CYP2C18: variants seen among roughly 807,000 people sequenced by gnomAD.
CYP2C18 encodes cytochrome P450 2C18.
In CYP2C18, 38 loss-of-function variants were observed where a neutral mutation model predicts 41.3. The observed-to-expected ratio is 0.92, with a 90% confidence interval of 0.71 to 1.21. The LOEUF is 1.21. Ranked by LOEUF, CYP2C18 falls within the 50% of genes most tolerant of loss-of-function variation. The pLI is 0.00. For missense variants in CYP2C18, 635 were observed against 591.4 expected, an observed-to-expected ratio of 1.07 and a Z score of -0.77; for synonymous variants, 236 against 210.0, an observed-to-expected ratio of 1.12 and a Z score of -1.07.
intron 7 of CYP2C18, among the ~76,000 whole-genome samples, chr10:94,727,016 G>C (rs774663623): frequency 4.6e-5 from 7 of 152,206 alleles, no homozygotes; most frequent in East Asian, 1.9e-4. Context: ...TTGAGCACCG[G>C]AAGTGTAATG....
intron 5 of CYP2C18, among the ~76,000 whole-genome samples, chr10:94,714,597 G>C (rs1453565961): frequency 1.3e-5 from 2 of 152,164 alleles, no homozygotes; most frequent in Non-Finnish European, 1.5e-5. Context: ...AGTATAGTTT[G>C]AAGTCAGGTA....
chr10:94,685,979 G>T (rs893265443), intron 1 of CYP2C18, among the ~76,000 whole-genome samples: 1 of 151,882 alleles, frequency 6.6e-6, no homozygotes, highest in African/African-American at 2.4e-5. Flanking sequence ...TATTGCTTTG[G>T]GTAATATGGA....
At chr10:94,728,315 C>T (rs1202141608) in intron 7 of CYP2C18, among the ~76,000 whole-genome samples, 2 of 152,010 alleles carry the variant, frequency 1.3e-5, no homozygotes, top group Non-Finnish European at 2.9e-5. Flanking sequence ...ATCATATGTG[C>T]GGTCCACATT....
intron 3 of CYP2C18, among the ~76,000 whole-genome samples, chr10:94,691,063 A>G (rs1294756263): frequency 6.6e-6 from 1 of 152,194 alleles, no homozygotes; most frequent in Admixed American, 6.6e-5. Context: ...CACAGCCAAT[A>G]TCATACTGAA....
intron 1 of CYP2C18, among the ~76,000 whole-genome samples, chr10:94,684,648 C>G (rs1846850941): frequency 6.6e-6 from 1 of 152,120 alleles, no homozygotes; most frequent in Non-Finnish European, 1.5e-5. Flanking sequence ...GTCAATAGCA[C>G]TGCAATAAAC....
chr10:94,695,799 C>G (rs1847106078), intron 4 of CYP2C18, among the ~76,000 whole-genome samples: 1 of 152,096 alleles, frequency 6.6e-6, no homozygotes, highest in Non-Finnish European at 1.5e-5. Context: ...TGGTGCTTTT[C>G]CAATGATCTT....
intron 5 of CYP2C18, among the ~76,000 whole-genome samples, chr10:94,719,759 G>C (rs1019437228): frequency 6.6e-6 from 1 of 152,030 alleles, no homozygotes. Context: ...GTTTTTAGTA[G>C]AGATGAGATT....
At chr10:94,701,481 A>G (rs1847244180) in intron 4 of CYP2C18, among the ~76,000 whole-genome samples, 1 of 151,974 alleles carries the variant, frequency 6.6e-6, no homozygotes, top group African/African-American at 2.4e-5. Context: ...GGGCGGGGAA[A>G]GGGGGAGGGA....
At chr10:94,690,862 G>T (rs1009113474) in intron 3 of CYP2C18, among the ~76,000 whole-genome samples, 1 of 152,140 alleles carries the variant, frequency 6.6e-6, no homozygotes, top group Non-Finnish European at 1.5e-5. Context: ...ATGCAAGGCT[G>T]GTCCAACATA....
At chr10:94,700,401 G>A (rs1216058771) in intron 4 of CYP2C18, among the ~76,000 whole-genome samples, 1 of 152,146 alleles carries the variant, frequency 6.6e-6, no homozygotes, top group East Asian at 1.9e-4. Context: ...TTAATAAATG[G>A]TGCTGGTAAA....
chr10:94,711,666 T>G (rs1400246591), intron 5 of CYP2C18, among the ~76,000 whole-genome samples: 8 of 152,102 alleles, frequency 5.3e-5, no homozygotes, highest in Admixed American at 5.2e-4. Context: ...CTGCCTCAGC[T>G]TCCGACAGTG....
At chr10:94,705,039 C>T (rs1363533601) in intron 4 of CYP2C18, among the ~76,000 whole-genome samples, 2 of 152,102 alleles carry the variant, frequency 1.3e-5, no homozygotes, top group African/African-American at 4.8e-5. Context: ...TCTGTGGTCC[C>T]TCTGTAAATA....
At chr10:94,724,277 A>G in intron 6 of CYP2C18, 69 bp from the exon 7 acceptor site, 1 of 1,508,190 alleles carries the variant, frequency 6.6e-7, no homozygotes, top group Non-Finnish European at 9.2e-7. Flanking sequence ...TGCTTCTTGT[A>G]ACCTGAATTG....
At chr10:94,710,259 C>T (rs751426544) in intron 5 of CYP2C18, among the ~76,000 whole-genome samples, 11 of 152,224 alleles carry the variant, frequency 7.2e-5, no homozygotes, top group East Asian at 1.9e-4. Flanking sequence ...GAGTGAACCA[C>T]GCACCTGGGT....
At chr10:94,689,778 G>A (rs992270632) in intron 3 of CYP2C18, among the ~76,000 whole-genome samples, 2 of 152,036 alleles carry the variant, frequency 1.3e-5, no homozygotes, top group African/African-American at 4.8e-5. Flanking sequence ...TTTATTTGGG[G>A]TTGGTTGAAT....
At chr10:94,698,228 G>T (rs1187158490) in intron 4 of CYP2C18, among the ~76,000 whole-genome samples, 2 of 152,122 alleles carry the variant, frequency 1.3e-5, no homozygotes, top group Non-Finnish European at 2.9e-5. Context: ...CACATAGTTG[G>T]AAGTAAAGCA....
In CYP2C18 at chr10:94,712,481, G is replaced by A. The variant is rs572197468; in HGVS notation, c.819+5521G>A. 1.2e-4 allele frequency among the ~76,000 whole-genome samples: 18 copies of A among 151,886 alleles called. No homozygotes were observed. The East Asian group carries it at 3.3e-3, about 28-fold the overall frequency. ...CTGACCTGACTTTACTTAGCATAAT[G>A]TTCTCCAGTTCCATCCCTGTTATCA... On this transcript the variant is annotated intron_variant, in intron 5 of 8. Coordinates refer to ENST00000285979, the MANE Select transcript of CYP2C18 (RefSeq NM_000772.3).
chr10:94,708,094 T>C (rs1420363838), intron 5 of CYP2C18, among the ~76,000 whole-genome samples: 1 of 152,098 alleles, frequency 6.6e-6, no homozygotes, highest in African/African-American at 2.4e-5. Context: ...CAGCACTAGG[T>C]GGAAATGCAG....
intron 7 of CYP2C18, among the ~76,000 whole-genome samples, chr10:94,726,743 C>A (rs528221163): frequency 6.6e-6 from 1 of 152,182 alleles, no homozygotes; most frequent in South Asian, 2.1e-4. Flanking sequence ...TAATTTTTGT[C>A]TCAACATCTT....
Sources: gnomAD v4.1 joint callset for allele counts (sites outside exome capture counted in the v4.1 genomes callset) on GRCh38, gnomAD v4.1.1 for gene constraint, MANE v1.5 for transcripts, NCBI Gene and HGNC (gene_info 2026-07-23, HGNC 2026-07-21) for gene names.